FARP2: variants seen among roughly 807,000 people sequenced by gnomAD.
FARP2 encodes the protein FERM, ARHGEF and pleckstrin domain-containing protein 2.
A neutral mutation model predicts 130.5 loss-of-function variants in FARP2; 111 were observed. The observed-to-expected ratio is 0.85, with a 90% CI of 0.73 to 1.00. FARP2 has a LOEUF of 1.00. Ranked by LOEUF, FARP2 falls within the 50% of genes least tolerant of loss-of-function variation. FARP2 has a pLI of 0.00. For missense variants in FARP2, 1,385 were observed against 1,346.3 expected, an observed-to-expected ratio of 1.03 and a Z score of -0.45; for synonymous variants, 504 against 516.9, an observed-to-expected ratio of 0.98 and a Z score of 0.34.
intron 13 of FARP2, among the ~76,000 whole-genome samples, chr2:241,453,788 T>G (rs1269419234): frequency 8.2e-5 from 10 of 122,134 alleles, no homozygotes; most frequent in Admixed American, 3.3e-4. Context: ...TTTTTTTTTT[T>G]TTTTTTTTTT....
intron 18 of FARP2, among the ~76,000 whole-genome samples, chr2:241,471,941 G>GA (rs2064327411): frequency 6.9e-6 from 1 of 145,034 alleles, no homozygotes; most frequent in African/African-American, 2.5e-5. Context: ...TATGTTCTGT[G>GA]GTGATCCTGT....
chr2:241,442,847 A>G (rs1574834938), intron 13 of FARP2: 1 of 255,770 alleles, frequency 3.9e-6, no homozygotes, highest in South Asian at 4.3e-5. Flanking sequence ...GGTGCTATAC[A>G]TTCTGAATGT....
At chr2:241,417,842 T>C in intron 7 of FARP2, 120 bp from the exon 8 acceptor site, 1 of 1,072,690 alleles carries the variant, frequency 9.3e-7, no homozygotes, top group Non-Finnish European at 1.4e-6. Context: ...CAGTGAACCA[T>C]CTGCCCTCTA....
At chr2:241,385,523 A>G (rs2061763587) in intron 2 of FARP2, among the ~76,000 whole-genome samples, 1 of 152,180 alleles carries the variant, frequency 6.6e-6, no homozygotes, top group Non-Finnish European at 1.5e-5. Context: ...GGAGCTCGAG[A>G]CAATTCTGGG....
At position 241,475,847 on chromosome 2, in the gene FARP2, C is replaced by G. The variant is rs200449095; in HGVS notation, c.2132-10C>G. The G allele has an allele frequency of 1.2e-6, 2 of 1,609,306 alleles. No individual in the cohort carries two copies. Among genetic ancestry groups the G allele is most frequent in the South Asian group, 1.1e-5 (1 of 90,168 alleles). On this transcript the variant is annotated splice_polypyrimidine_tract_variant and intron_variant, in intron 18 of 26. Transcript: ENST00000264042. This position sits in a 1 kb window ranked among gnomAD's most constrained non-coding sequence, Gnocchi z 4.4. ...CCTGTACACCTGTACTGAGGGGTCT[C>G]TCCACACAGACGCCCTGAAAGCCAT...
chr2:241,433,274 C>T (rs1044468315), intron 9 of FARP2, among the ~76,000 whole-genome samples: 1 of 152,162 alleles, frequency 6.6e-6, no homozygotes, highest in Non-Finnish European at 1.5e-5. Context: ...TACCTAAGCA[C>T]GTTTTAAAGA....
In FARP2 at chr2:241,455,635, G is replaced by A. The variant is rs2063811379; in HGVS notation, c.1412-1112G>A. ...GACGTCAGGTGGTCCACCCCCCTCA[G>A]CCTCCCAAAGTGCTGGGATTACAGG... On this transcript the variant is annotated intron_variant, in intron 13 of 26. Transcript: ENST00000264042. Among the ~76,000 whole-genome samples the A allele has an allele frequency of 3.3e-5, 5 of 151,676 alleles. No individual in the cohort carries two copies. In the South Asian group the frequency reaches 1.0e-3, roughly 31 times the overall value.
chr2:241,457,004 G>A, intron 14 of FARP2, 82 bp downstream of exon 14: 1 of 1,309,758 alleles, frequency 7.6e-7, no homozygotes, highest in South Asian at 1.5e-5. Context: ...GTGCTGGTGG[G>A]GACCCTGGGG....
intron 17 of FARP2, chr2:241,466,470 T>G: frequency 1.7e-5 from 17 of 985,364 alleles, no homozygotes; most frequent in Non-Finnish European, 2.0e-5. Flanking sequence ...ACCAGCAGAC[T>G]CCTCAGCCAA....
At chr2:241,460,848 C>T (rs115122469) in intron 14 of FARP2, among the ~76,000 whole-genome samples, 2 of 152,250 alleles carry the variant, frequency 1.3e-5, no homozygotes, top group Non-Finnish European at 2.9e-5. Flanking sequence ...GCTGAGAGAA[C>T]AGCAGTGGAC....
At chr2:241,476,648 C>T (rs2064474198) in intron 19 of FARP2, among the ~76,000 whole-genome samples, 1 of 152,086 alleles carries the variant, frequency 6.6e-6, no homozygotes, top group Non-Finnish European at 1.5e-5. Flanking sequence ...AAGATCACGC[C>T]ATTGCACTCT....
chr2:241,427,134 C>T (rs1269371410), intron 8 of FARP2, among the ~76,000 whole-genome samples: 2 of 152,074 alleles, frequency 1.3e-5, no homozygotes, highest in Non-Finnish European at 2.9e-5. Flanking sequence ...ACTCAGGAGG[C>T]TGAGGTAGGA....
chr2:241,440,372 G>A (rs933042098), intron 12 of FARP2, among the ~76,000 whole-genome samples: 4 of 152,200 alleles, frequency 2.6e-5, no homozygotes, highest in African/African-American at 4.8e-5. Flanking sequence ...GGGCTCAGCC[G>A]TGTCCTTGTG....
intron 8 of FARP2, among the ~76,000 whole-genome samples, chr2:241,428,104 A>G (rs541144361): frequency 6.6e-6 from 1 of 152,160 alleles, no homozygotes; most frequent in South Asian, 2.1e-4. Context: ...CTGGATATAT[A>G]AATAATATCT....
chr2:241,486,987 G>A (rs574750413), intron 21 of FARP2, among the ~76,000 whole-genome samples: 30 of 149,294 alleles, frequency 2.0e-4, no homozygotes, highest in African/African-American at 5.6e-4. Flanking sequence ...GCGGACTGTC[G>A]GTGAGGCCAG....
intron 1 of FARP2, among the ~76,000 whole-genome samples, chr2:241,367,756 A>G (rs552345396): frequency 9.9e-5 from 15 of 152,238 alleles, no homozygotes; most frequent in African/African-American, 3.4e-4. Context: ...ATGGTGGACT[A>G]TGCTTTTGTC....
intron 15 of FARP2, 66 bp from the exon 16 acceptor site, chr2:241,463,269 C>T: frequency 6.4e-7 from 1 of 1,568,500 alleles, no homozygotes; most frequent in East Asian, 2.3e-5. Context: ...TACAGGCCCT[C>T]AGGGGCACAG....
intron 17 of FARP2, among the ~76,000 whole-genome samples, chr2:241,466,963 G>T (rs1171957935): frequency 2.7e-5 from 4 of 146,388 alleles, no homozygotes; most frequent in Non-Finnish European, 6.1e-5. Context: ...AAAAAAAAAT[G>T]TAACCCTTTA....
chr2:241,492,627 A>G (rs2064961863), intron 24 of FARP2: 1 of 303,132 alleles, frequency 3.3e-6, no homozygotes, highest in African/African-American at 2.1e-5. Flanking sequence ...CTGTCTCTTA[A>G]GGTATCTTCT....
Sources: gnomAD v4.1 joint callset for allele counts (sites outside exome capture counted in the v4.1 genomes callset) on GRCh38, gnomAD v4.1.1 for gene constraint, Gnocchi (gnomAD v3.1) non-coding constraint, MANE v1.5 for transcripts, NCBI Gene and HGNC (gene_info 2026-07-23, HGNC 2026-07-21) for gene names.